The following DACH2 variants were observed in gnomAD, a reference collection of about 807,000 sequenced individuals.
DACH2 encodes the protein dachshund family transcription factor 2.
DACH2 carries 17 observed loss-of-function variants against 35.8 expected under a neutral mutation model. The ratio of observed to expected loss-of-function variants is 0.48; its 90% CI spans 0.33 to 0.71. The LOEUF is 0.71. DACH2 is among the 30% of genes least tolerant of loss of function. DACH2 has a pLI of 0.02. For missense variants in DACH2, 469 were observed against 472.7 expected (o/e 0.99, Z 0.07); for synonymous variants, 195 against 177.3 (o/e 1.10, Z -0.79).
intron 7 of DACH2, among the ~76,000 whole-genome samples, chrX:86,748,519 G>T (rs941092293): frequency 9.0e-6 from 1 of 111,644 alleles, no homozygotes; most frequent in African/African-American, 3.3e-5. Flanking sequence ...GTAATATTTT[G>T]CAAGGAATCT....
At chrX:86,250,549 C>A (rs1569316666) in intron 1 of DACH2, among the ~76,000 whole-genome samples, 1 of 111,215 alleles carries the variant, frequency 9.0e-6, no homozygotes, top group Non-Finnish European at 1.9e-5. Flanking sequence ...TTTTATGCCA[C>A]TTTGTACTAT....
At chrX:86,429,680 C>T (rs965416676) in intron 2 of DACH2, among the ~76,000 whole-genome samples, 2 of 109,909 alleles carry the variant, frequency 1.8e-5, no homozygotes, top group Non-Finnish European at 3.8e-5. Context: ...GTTGCCTTAG[C>T]CTCCCGAGTA....
intron 1 of DACH2, among the ~76,000 whole-genome samples, chrX:86,244,111 A>T (rs1224925425): frequency 8.9e-6 from 1 of 111,950 alleles, no homozygotes; most frequent in Non-Finnish European, 1.9e-5. Flanking sequence ...ACTATTTTGC[A>T]TTAAGATGTG....
chrX:86,497,350 G>T (rs1205540023), intron 2 of DACH2, among the ~76,000 whole-genome samples: 4 of 112,017 alleles, frequency 3.6e-5, no homozygotes, highest in African/African-American at 1.3e-4. Context: ...GAGGACTTTA[G>T]ATATAGAGTA....
At position 86,242,857 on chromosome X, in the gene DACH2, C is replaced by T. The variant is rs2033196714; in HGVS notation, c.488+93749C>T. On this transcript the variant is annotated intron_variant, in intron 1 of 11. Coordinates refer to ENST00000373125, the MANE Select transcript of DACH2 (RefSeq NM_053281.3). ...TGTGTGGCACTTCCCCCTTCTTTCT[C>T]CTGCTCCATTTTGGTAAGATGTGCT... is the stretch of plus-strand genomic sequence containing the variant. 3.6e-5 allele frequency among the ~76,000 whole-genome samples: 4 copies of T among 111,626 alleles called. No individual in the cohort carries two copies. In the South Asian group the frequency reaches 1.5e-3, roughly 43 times the overall value.
At chrX:86,823,744 G>A (rs763364957) in intron 11 of DACH2, among the ~76,000 whole-genome samples, 1 of 111,565 alleles carries the variant, frequency 9.0e-6, no homozygotes, top group Non-Finnish European at 1.9e-5. Context: ...GCCACCGGGG[G>A]TGACATCACA....
In DACH2 at chrX:86,430,455, G is replaced by A. The variant is rs371546932; in HGVS notation, c.527+53593G>A. On this transcript the variant is annotated intron_variant, in intron 2 of 11. Transcript: ENST00000373125. ...CTTAGCTGATTAATTATACTTTTAA[G>A]AATGTTAGCTACTAGAAAATTTAAA... is the stretch of plus-strand genomic sequence containing the variant. Among the ~76,000 whole-genome samples, 31 of 112,702 alleles carry A rather than the reference G, an allele frequency of 2.8e-4. No individual in the cohort carries two copies. In the East Asian group the frequency reaches 3.4e-3, roughly 12 times the overall value.
chrX:86,381,665 G>A (rs1005574749), intron 2 of DACH2, among the ~76,000 whole-genome samples: 2 of 110,932 alleles, frequency 1.8e-5, no homozygotes, highest in Admixed American at 9.6e-5. Context: ...TCTATGATAC[G>A]TATCTTTCCT....
At chrX:86,364,534 A>G (rs1055529321) in intron 1 of DACH2, among the ~76,000 whole-genome samples, 1 of 111,112 alleles carries the variant, frequency 9.0e-6, no homozygotes, top group Admixed American at 9.7e-5. Context: ...CGTGGAAGAG[A>G]AAGAAGGTAA....
At chrX:86,221,918 C>A (rs1417932231) in intron 1 of DACH2, among the ~76,000 whole-genome samples, 1 of 112,182 alleles carries the variant, frequency 8.9e-6, no homozygotes, top group African/African-American at 3.2e-5. Flanking sequence ...CTTGCTGTAT[C>A]CTCACACGGC....
intron 3 of DACH2, among the ~76,000 whole-genome samples, chrX:86,565,858 A>G (rs1467749141): frequency 9.0e-6 from 1 of 111,599 alleles, no homozygotes; most frequent in Non-Finnish European, 1.9e-5. Context: ...AAAATCACAC[A>G]GAAATATGTT....
At chrX:86,579,881 C>T (rs970303927) in intron 3 of DACH2, among the ~76,000 whole-genome samples, 4 of 112,437 alleles carry the variant, frequency 3.6e-5, no homozygotes, top group African/African-American at 1.3e-4. Context: ...TACATGCGTG[C>T]AGCCTGCCGT....
At position 86,451,608 on chromosome X, in the gene DACH2, T is replaced by C. The variant is rs747367861; in HGVS notation, c.528-62671T>C. Among the ~76,000 whole-genome samples, 180 of 111,670 alleles carry C rather than the reference T, an allele frequency of 1.6e-3. 1 individual carries two copies. Among genetic ancestry groups the C allele is most frequent in the African/African-American group, 5.7e-3 (176 of 30,829 alleles). On this transcript the variant is annotated intron_variant, in intron 2 of 11. Coordinates refer to ENST00000373125, the MANE Select transcript of DACH2 (RefSeq NM_053281.3). ...ATTCTGTGAAGAATGTCAATGATAG[T>C]TTAATGAAAATAGATTTGAATCTAT...
At chrX:86,336,917 C>A (rs2148055723) in intron 1 of DACH2, among the ~76,000 whole-genome samples, 1 of 108,318 alleles carries the variant, frequency 9.2e-6, no homozygotes, top group East Asian at 3.0e-4. Flanking sequence ...AGCATGAGAA[C>A]TTTGTGAAGC....
intron 1 of DACH2, among the ~76,000 whole-genome samples, chrX:86,174,845 T>C (rs1432980025): frequency 9.0e-6 from 1 of 110,751 alleles, no homozygotes; most frequent in Non-Finnish European, 1.9e-5. Context: ...CCCCAGTTAA[T>C]TATTTTTAAT....
At chrX:86,735,492 T>C (rs1467389281) in intron 6 of DACH2, among the ~76,000 whole-genome samples, 1 of 112,043 alleles carries the variant, frequency 8.9e-6, no homozygotes, top group Non-Finnish European at 1.9e-5. Flanking sequence ...GAAAAGGAAC[T>C]GGTATAGTAG....
At chrX:86,720,366 T>C (rs1396158832) in intron 6 of DACH2, among the ~76,000 whole-genome samples, 1 of 111,713 alleles carries the variant, frequency 9.0e-6, no homozygotes, top group African/African-American at 3.3e-5. Context: ...AGTTAGTTAC[T>C]TCCTAAATAT....
chrX:86,454,103 C>T (rs2037431636), intron 2 of DACH2, among the ~76,000 whole-genome samples: 1 of 111,219 alleles, frequency 9.0e-6, no homozygotes, highest in Non-Finnish European at 1.9e-5. Context: ...GAATAGTGGC[C>T]CCCAATCTCT....
chrX:86,707,319 A>T (rs1164636377), intron 5 of DACH2, among the ~76,000 whole-genome samples: 1 of 111,993 alleles, frequency 8.9e-6, no homozygotes, highest in Non-Finnish European at 1.9e-5. Context: ...TATACATATT[A>T]CAGAAATAAA....
Sources: allele counts gnomAD v4.1 joint callset (sites outside exome capture counted in the v4.1 genomes callset), GRCh38; gene constraint gnomAD v4.1.1; transcripts MANE v1.5; gene names NCBI Gene and HGNC (gene_info 2026-07-23, HGNC 2026-07-21).